Variants in TNS3 observed in about 807,000 individuals in gnomAD.
The protein encoded by TNS3 is tensin 3.
A neutral mutation model predicts 140.9 loss-of-function variants in TNS3; 45 were observed. That is an observed-to-expected ratio of 0.32 (90% CI 0.25 to 0.41). The LOEUF is 0.41. Among genes scored for constraint, TNS3 ranks in the 10% least tolerant of loss-of-function variants. The pLI is 1.00. For synonymous variants in TNS3, 815 were observed against 788.4 expected (o/e 1.03, Z -0.56); for missense variants, 1,716 against 1,906.7 (o/e 0.90, Z 1.86).
At chr7:47,470,612 C>G in intron 4 of TNS3, 2 of 985,284 alleles carry the variant, frequency 2.0e-6, no homozygotes, top group Non-Finnish European at 2.4e-6. Context: ...AGGAAGAGAT[C>G]CCCAGCGCAG....
At chr7:47,288,194 C>T (rs1047462525) in intron 27 of TNS3, among the ~76,000 whole-genome samples, 8 of 152,036 alleles carry the variant, frequency 5.3e-5, no homozygotes, top group South Asian at 2.1e-4. Context: ...CACAGCTGGA[C>T]GTGGGAGCTG....
chr7:47,303,358 G>A lies in TNS3; in HGVS notation c.3049C>T (p.Gln1017Ter). 1 of 1,613,662 alleles carries A rather than the reference G, an allele frequency of 6.2e-7. No homozygotes were observed. The highest frequency in any genetic ancestry group is 8.5e-7 in the Non-Finnish European group (1 of 1,179,894). The change falls in exon 22 of 31, where the codon CAG becomes TAG. Residue 1017 changes from glutamine (Q) to a stop codon, truncating the protein, a stop_gained. Transcript: ENST00000311160. LOFTEE classifies it high-confidence loss of function. ...PPDSLAPPSS[Q>*]AFLGFGTAPV... ...GCGGTGCCGAAGCCCAGGAAGGCCTGGCTGCTGGGAGGCGCCAGGGAGTCC... is the reference window on the plus strand; with the variant it reads ...GCGGTGCCGAAGCCCAGGAAGGCCTAGCTGCTGGGAGGCGCCAGGGAGTCC...
intron 1 of TNS3, among the ~76,000 whole-genome samples, chr7:47,558,142 C>T (rs964263829): frequency 6.6e-6 from 1 of 152,160 alleles, no homozygotes. Context: ...CTGCTTCCTG[C>T]AGGCAAGAAT....
At chr7:47,377,184 C>T (rs1448658879) in intron 16 of TNS3, among the ~76,000 whole-genome samples, 2 of 152,236 alleles carry the variant, frequency 1.3e-5, no homozygotes, top group Admixed American at 1.3e-4. Context: ...TAAGTGGAGG[C>T]TTATTGGAAT....
chr7:47,351,604 C>G (rs2151030061), intron 17 of TNS3, among the ~76,000 whole-genome samples: 1 of 152,306 alleles, frequency 6.6e-6, no homozygotes, highest in East Asian at 1.9e-4. Flanking sequence ...AGTCAAGGCT[C>G]CGGTGCCACA....
intron 10 of TNS3, among the ~76,000 whole-genome samples, chr7:47,422,971 G>A (rs1438257426): frequency 6.6e-6 from 1 of 151,956 alleles, no homozygotes; most frequent in Non-Finnish European, 1.5e-5. Context: ...GGGCCCTGTT[G>A]CTGACCACAG....
intron 20 of TNS3, among the ~76,000 whole-genome samples, chr7:47,342,413 A>G (rs144731660): frequency 1.8e-4 from 27 of 152,330 alleles, no homozygotes; most frequent in Middle Eastern, 6.8e-3. Flanking sequence ...CCTAAAGCCT[A>G]CTACTTCAAA....
chr7:47,386,713 G>A (rs1792095147), intron 16 of TNS3, among the ~76,000 whole-genome samples: 1 of 152,232 alleles, frequency 6.6e-6, no homozygotes, highest in South Asian at 2.1e-4. Flanking sequence ...AAGGAGTGCT[G>A]TGAAAACCAG....
chr7:47,288,946 A>G (rs1272811676), intron 27 of TNS3, among the ~76,000 whole-genome samples: 2 of 152,180 alleles, frequency 1.3e-5, no homozygotes, highest in African/African-American at 4.8e-5. Flanking sequence ...CCACAGCTAC[A>G]TTTTTCATTT....
chr7:47,580,513 C>A (rs1330631281), intron 1 of TNS3, among the ~76,000 whole-genome samples: 4 of 149,814 alleles, frequency 2.7e-5, no homozygotes, highest in Non-Finnish European at 5.9e-5. Flanking sequence ...ACACACCCCC[C>A]ACCCCCTGTG....
At chr7:47,420,250 G>A (rs1794302190) in intron 10 of TNS3, among the ~76,000 whole-genome samples, 2 of 152,140 alleles carry the variant, frequency 1.3e-5, no homozygotes, top group South Asian at 4.2e-4. Context: ...GCAGCAGAGG[G>A]CTCTTTCCGC....
chr7:47,424,695 G>A (rs528944619), intron 9 of TNS3, among the ~76,000 whole-genome samples: 35 of 152,284 alleles, frequency 2.3e-4, no homozygotes, highest in African/African-American at 7.7e-4. Flanking sequence ...AGGCACCCTC[G>A]GGACACAAGT....
Position 47,368,400 on chromosome 7 carries a change from G to T in TNS3, c.2246C>A (p.Thr749Lys). 6.6e-7 allele frequency: 1 copy of T among 1,513,930 alleles called. No individual in the cohort carries two copies. The highest frequency in any genetic ancestry group is 8.9e-7 in the Non-Finnish European group (1 of 1,128,528). 93.8% of individuals were successfully genotyped at this position (1,513,930 alleles called of 1,614,324 possible). The change falls in exon 17 of 31, where the codon ACA becomes AAA. Residue 749 changes from threonine to lysine, a missense_variant. By Grantham distance (78) the Thr-to-Lys change is moderately conservative (BLOSUM62 -1). Around this residue, in one of 3 missense-constraint regions of TNS3, gnomAD observed 1,163 missense variants for 1,182.1 expected, o/e 0.98. Coordinates refer to ENST00000311160, the MANE Select transcript of TNS3 (RefSeq NM_022748.12). The part of the protein sequence containing the change: ...GLRASSRLPD[T>K]GEGPSRATGR... Reference sequence around the variant, plus strand: ...GGTGGCCCTGCTGGGGCCCTCTCCTGTGTCAGGCAGCCTGCTGCTTGCCCG... The same window carrying T: ...GGTGGCCCTGCTGGGGCCCTCTCCTTTGTCAGGCAGCCTGCTGCTTGCCCG...
At chr7:47,551,938 C>A (rs1440865676) in intron 1 of TNS3, among the ~76,000 whole-genome samples, 1 of 152,058 alleles carries the variant, frequency 6.6e-6, no homozygotes, top group South Asian at 2.1e-4. Flanking sequence ...CGTGTGTCCA[C>A]CGGGAGCGAT....
chr7:47,314,430 G>C (rs1787278800), intron 20 of TNS3, among the ~76,000 whole-genome samples: 1 of 152,200 alleles, frequency 6.6e-6, no homozygotes, highest in African/African-American at 2.4e-5. Context: ...TGAGCATCTA[G>C]CAAGCACAGA....
intron 3 of TNS3, among the ~76,000 whole-genome samples, chr7:47,488,735 G>A (rs200354303): frequency 6.6e-6 from 1 of 152,062 alleles, no homozygotes; most frequent in East Asian, 1.9e-4. Flanking sequence ...GACAGGACGG[G>A]TGGAGACGTC....
intron 2 of TNS3, among the ~76,000 whole-genome samples, chr7:47,526,868 A>G (rs1799211631): frequency 6.6e-6 from 1 of 152,170 alleles, no homozygotes; most frequent in Non-Finnish European, 1.5e-5. Flanking sequence ...CATGGTTCCA[A>G]TTCAACCACG....
At chr7:47,493,684 C>T (rs1797898469) in intron 3 of TNS3, among the ~76,000 whole-genome samples, 1 of 150,844 alleles carries the variant, frequency 6.6e-6, no homozygotes, top group South Asian at 2.1e-4. Context: ...AAAAAATAGC[C>T]GGGCATGGTG....
intron 5 of TNS3, among the ~76,000 whole-genome samples, chr7:47,439,893 C>T (rs1199182799): frequency 2.6e-5 from 4 of 152,084 alleles, no homozygotes; most frequent in African/African-American, 7.2e-5. Flanking sequence ...GACGGGGTAC[C>T]GCAAGCTGCG....
Sources: gnomAD v4.1 joint callset for allele counts (sites outside exome capture counted in the v4.1 genomes callset) on GRCh38, gnomAD v4.1.1 for gene constraint, gnomAD v4.1.1 regional missense constraint, MANE v1.5 for transcripts, NCBI Gene and HGNC (gene_info 2026-07-23, HGNC 2026-07-21) for gene names.